PTPRF: variants seen among roughly 807,000 people sequenced by gnomAD.
PTPRF encodes receptor-type tyrosine-protein phosphatase F.
Under a neutral mutation model 201.8 loss-of-function variants are expected in PTPRF, and 59 were observed. The observed-to-expected ratio is 0.29, with a 90% CI of 0.24 to 0.36. PTPRF has a LOEUF of 0.36. PTPRF is among the 10% of genes least tolerant of loss of function. The pLI is 1.00. For missense variants in PTPRF, 2,132 were observed against 2,690.5 expected, an observed-to-expected ratio of 0.79 and a Z score of 4.59; for synonymous variants, 1,088 against 1,089.7, an observed-to-expected ratio of 1.00 and a Z score of 0.03.
chr1:43,527,806 G>A (rs1375799290), upstream of PTPRF, among the ~76,000 whole-genome samples: 2 of 152,282 alleles, frequency 1.3e-5, no homozygotes, highest in East Asian at 1.9e-4. Flanking sequence ...CGAACACCAC[G>A]AGCCCCTCTT....
chr1:43,604,542 C>T lies in PTPRF; in HGVS notation c.3037+353C>T, dbSNP rs563760358. Among the ~76,000 whole-genome samples the T allele has an allele frequency of 2.6e-5, 4 of 152,310 alleles. No homozygotes were observed. In the East Asian group the frequency reaches 7.7e-4, roughly 29 times the overall value. On this transcript the variant is annotated intron_variant, in intron 16 of 33. Transcript: ENST00000359947. ...GACCCACCGACCTCTAGTGAACATG[C>T]TCCACCACGCTCTGGTGTGTGGCCA...
chr1:43,568,646 T>A (rs932327364), intron 5 of PTPRF, among the ~76,000 whole-genome samples: 4 of 152,228 alleles, frequency 2.6e-5, no homozygotes, highest in Non-Finnish European at 5.9e-5. Context: ...ATACTAGTCC[T>A]GAGCCTGTCC....
chr1:43,563,887 T>G (rs1486967809), intron 5 of PTPRF, among the ~76,000 whole-genome samples: 1 of 151,384 alleles, frequency 6.6e-6, no homozygotes, highest in African/African-American at 2.4e-5. Flanking sequence ...GTGGGTCGGG[T>G]GTATGCGCAG....
chr1:43,585,799 T>G (rs1557773818), intron 7 of PTPRF, among the ~76,000 whole-genome samples: 1 of 152,218 alleles, frequency 6.6e-6, no homozygotes, highest in African/African-American at 2.4e-5. Flanking sequence ...CCAAGGTTTA[T>G]TGGCCAAGGA....
chr1:43,602,047 T>C, intron 13 of PTPRF, 24 bp from the exon 14 acceptor site: 1 of 1,610,478 alleles, frequency 6.2e-7, no homozygotes, highest in Non-Finnish European at 8.5e-7. Context: ...CCTGTCTCCC[T>C]TTCTCTCCCT....
chr1:43,544,504 GC>G (rs1205839309), intron 2 of PTPRF, among the ~76,000 whole-genome samples: 2 of 152,186 alleles, frequency 1.3e-5, no homozygotes, highest in African/African-American at 4.8e-5. Context: ...GTGGAGTCTG[GC>G]CTCCCACCTT....
chr1:43,557,596 TGCACTCCAGCCTGG>T (rs1645469669), intron 5 of PTPRF, among the ~76,000 whole-genome samples: 1 of 146,626 alleles, frequency 6.8e-6, no homozygotes, highest in Non-Finnish European at 1.5e-5. Context: ...ATTGCGCCAC[TGCACTCCAGCCTGG>T]GCGACAGGAG....
rs377728393 is a variant in PTPRF at position 43,620,906 on chromosome 1, A to G, written c.5433A>G (p.Thr1811=). 1.8e-5 allele frequency: 29 copies of G among 1,614,088 alleles called. No individual in the cohort carries two copies. The highest frequency in any genetic ancestry group is 2.4e-5 in the Non-Finnish European group (28 of 1,180,026). The stretch of plus-strand genomic sequence containing the variant: ...GGCCAGAGCAGGGCGTGCCCAAGAC[A>G]GGCGAGGGATTCATTGACTTCATCG... ...TDWPEQGVPK[T]GEGFIDFIGQ... is the part of the protein sequence containing the mutation. Residue 1811 remains threonine, a synonymous_variant, in exon 32 of 34, where the codon ACA becomes ACG. Coordinates refer to ENST00000359947, the MANE Select transcript of PTPRF (RefSeq NM_002840.5).
Position 43,617,717 on chromosome 1 carries a change from C to T in PTPRF, c.4196-19C>T. ...GGGACCCTGTAGTAATGCCCTCCCA[C>T]CTCCTTTCTTATCCATAGGCGTCCC... On this transcript the variant is annotated intron_variant, in intron 24 of 33. Transcript: ENST00000359947. 1.2e-6 allele frequency: 2 copies of T among 1,608,470 alleles called. No homozygotes were observed. The highest frequency in any genetic ancestry group is 1.1e-5 in the South Asian group (1 of 90,650).
intron 5 of PTPRF, among the ~76,000 whole-genome samples, chr1:43,560,104 C>CTG (rs1287801909): frequency 7.0e-6 from 1 of 141,876 alleles, no homozygotes; most frequent in African/African-American, 2.9e-5. Flanking sequence ...GTGCAGCAGG[C>CTG]AGTGTGTGTG....
At position 43,597,689 on chromosome 1, in the gene PTPRF, AT is replaced by A. The variant is rs376957554; in HGVS notation, c.1814-57del. Reference sequence around the variant, plus strand: ...GTCTCCAGTCCACTGTGACTCAGTCATTGTGCCTGTGATCCCCACCCTCCAT... The same window carrying A: ...GTCTCCAGTCCACTGTGACTCAGTCATGTGCCTGTGATCCCCACCCTCCAT... On this transcript the variant is annotated intron_variant, in intron 11 of 33. Coordinates refer to ENST00000359947, the MANE Select transcript of PTPRF (RefSeq NM_002840.5). The A allele has an allele frequency of 4.1e-6, 5 of 1,206,192 alleles. No individual in the cohort carries two copies. In the African/African-American group the frequency reaches 7.5e-5, roughly 18 times the overall value. 74.7% of individuals were successfully genotyped at this position (1,206,192 alleles called of 1,614,324 possible).
At chr1:43,600,001 A>G (rs944968572) in intron 13 of PTPRF, among the ~76,000 whole-genome samples, 1 of 152,210 alleles carries the variant, frequency 6.6e-6, no homozygotes, top group Non-Finnish European at 1.5e-5. Context: ...CACACTGTGC[A>G]GAGGGGTGGG....
intron 13 of PTPRF, among the ~76,000 whole-genome samples, chr1:43,599,994 A>G (rs183286505): frequency 2.3e-4 from 35 of 152,304 alleles, no homozygotes; most frequent in African/African-American, 7.5e-4. Flanking sequence ...TGCTGTACAC[A>G]CTGTGCAGAG....
intron 3 of PTPRF, among the ~76,000 whole-genome samples, chr1:43,548,666 C>G (rs1356764962): frequency 6.6e-6 from 1 of 152,168 alleles, no homozygotes; most frequent in African/African-American, 2.4e-5. Context: ...GGCTCTTGCT[C>G]TGTCCCTGGG....
intron 6 of PTPRF, among the ~76,000 whole-genome samples, chr1:43,577,997 C>A (rs1002136065): frequency 6.6e-6 from 1 of 152,192 alleles, no homozygotes; most frequent in Non-Finnish European, 1.5e-5. Flanking sequence ...CCTTGGCCTC[C>A]CCCGCCAGGA....
intron 5 of PTPRF, among the ~76,000 whole-genome samples, chr1:43,566,163 T>TCG (rs896480791): frequency 1.3e-5 from 2 of 152,042 alleles, no homozygotes; most frequent in Admixed American, 6.6e-5. Flanking sequence ...GCCGGCCCTC[T>TCG]CGCGCGCGGG....
chr1:43,539,757 A>C (rs1311436900), intron 2 of PTPRF, among the ~76,000 whole-genome samples: 1 of 152,118 alleles, frequency 6.6e-6, no homozygotes, highest in Non-Finnish European at 1.5e-5. Flanking sequence ...TCTTGCCAGA[A>C]TAGGTACCTG....
upstream of PTPRF, among the ~76,000 whole-genome samples, chr1:43,523,346 CA>C (rs532968226): frequency 6.6e-6 from 1 of 152,094 alleles, no homozygotes; most frequent in Non-Finnish European, 1.5e-5. Flanking sequence ...GGACAGTACT[CA>C]ATGCTGTAGG....
chr1:43,568,566 A>T (rs1398753665), intron 5 of PTPRF, among the ~76,000 whole-genome samples: 1 of 152,212 alleles, frequency 6.6e-6, no homozygotes, highest in African/African-American at 2.4e-5. Context: ...CAGATAAAGG[A>T]GACAAAGAAT....
Sources: allele counts gnomAD v4.1 joint callset (sites outside exome capture counted in the v4.1 genomes callset), GRCh38; gene constraint gnomAD v4.1.1; transcripts MANE v1.5; gene names NCBI Gene and HGNC (gene_info 2026-07-23, HGNC 2026-07-21).